Variants in GALNT13 observed in about 807,000 individuals in gnomAD.
GALNT13 encodes polypeptide N-acetylgalactosaminyltransferase 13, also known as UDP-GalNAc:polypeptide N-acetylgalactosaminyltransferase 13.
GALNT13 carries 28 observed loss-of-function variants against 64.2 expected under a neutral mutation model. The observed-to-expected ratio is 0.44, with a 90% CI of 0.32 to 0.60. The LOEUF is 0.60. Ranked by LOEUF, GALNT13 falls within the 20% of genes least tolerant of loss-of-function variation. GALNT13 has a pLI of 0.05. For synonymous variants in GALNT13, 214 were observed against 224.6 expected (o/e 0.95, Z 0.42); for missense variants, 577 against 669.8 (o/e 0.86, Z 1.53).
Position 153,898,132 on chromosome 2 carries a change from G to A in GALNT13, c.-176-2804G>A, listed in dbSNP as rs576689993. ...CCCCATATATCTCTGTATATAGTGG[G>A]AGCTTGAAAGATAGCTCTGTTAGAA... is the stretch of plus-strand genomic sequence containing the variant. On this transcript the variant is annotated intron_variant, in intron 1 of 12. Coordinates refer to ENST00000392825, the MANE Select transcript of GALNT13 (RefSeq NM_052917.4). 3.3e-5 allele frequency among the ~76,000 whole-genome samples: 5 copies of A among 152,146 alleles called. No homozygotes were observed. In the South Asian group the frequency reaches 1.0e-3, roughly 32 times the overall value.
At chr2:153,694,281 A>C in the GALNT13 span, among the ~76,000 whole-genome samples, 1 of 152,286 alleles carries the variant, frequency 6.6e-6, no homozygotes, top group African/African-American at 2.4e-5. Context: ...GGCCGTATGC[A>C]TAGGTGACTC....
chr2:153,664,748 T>G, the GALNT13 span, among the ~76,000 whole-genome samples: 1 of 152,204 alleles, frequency 6.6e-6, no homozygotes, highest in Non-Finnish European at 1.5e-5. Context: ...TATGTTCTTC[T>G]GCCACGGCTT....
chr2:153,784,859 T>A, the GALNT13 span, among the ~76,000 whole-genome samples: 1 of 152,166 alleles, frequency 6.6e-6, no homozygotes, highest in Non-Finnish European at 1.5e-5. Context: ...GCCACCATCT[T>A]TGCTGTTTAA....
At chr2:153,166,339 C>T in the GALNT13 span, among the ~76,000 whole-genome samples, 1 of 152,156 alleles carries the variant, frequency 6.6e-6, no homozygotes, top group African/African-American at 2.4e-5. Flanking sequence ...ATTCTATGGA[C>T]TAATTTCCTG....
intron 8 of GALNT13, among the ~76,000 whole-genome samples, chr2:154,261,126 A>G (rs1228241329): frequency 6.6e-6 from 1 of 152,146 alleles, no homozygotes; most frequent in Non-Finnish European, 1.5e-5. Context: ...ATAAATGTAT[A>G]AAAAGGAAGA....
the GALNT13 span, among the ~76,000 whole-genome samples, chr2:153,404,457 C>T: frequency 1.3e-5 from 2 of 151,980 alleles, no homozygotes; most frequent in South Asian, 2.1e-4. Flanking sequence ...GTTGTATTTC[C>T]TGTTCTTTGC....
intron 4 of GALNT13, among the ~76,000 whole-genome samples, chr2:154,208,764 T>C (rs894906599): frequency 7.2e-5 from 11 of 152,028 alleles, no homozygotes; most frequent in African/African-American, 2.7e-4. Context: ...AGTATCATAT[T>C]TTTATAATCA....
Position 153,944,544 on chromosome 2 carries a change from T to TG in GALNT13, c.48dup (p.Trp17ValfsTer5). 6.2e-7 allele frequency: 1 copy of TG among 1,613,250 alleles called. No individual in the cohort carries two copies. The highest frequency in any genetic ancestry group is 8.5e-7 in the Non-Finnish European group (1 of 1,179,286). ...AAGGTGGTTCTAGCCACTTCGCTGA[T>TG]GTGGGTTCTTGTTGATGTCTTCTTA... On this transcript the variant is annotated frameshift_variant, in exon 3 of 13. Coordinates refer to ENST00000392825, the MANE Select transcript of GALNT13 (RefSeq NM_052917.4). LOFTEE classifies it high-confidence loss of function.
chr2:153,195,812 G>A, the GALNT13 span, among the ~76,000 whole-genome samples: 1 of 152,212 alleles, frequency 6.6e-6, no homozygotes, highest in South Asian at 2.1e-4. Context: ...TGAAGGGTGA[G>A]CAAGACAAAG....
chr2:153,467,486 G>A, the GALNT13 span, among the ~76,000 whole-genome samples: 4 of 152,016 alleles, frequency 2.6e-5, no homozygotes, highest in Admixed American at 6.6e-5. Flanking sequence ...TGGCAGAGAG[G>A]AAAATGCTGT....
At chr2:154,028,805 CT>C (rs35159070) in intron 3 of GALNT13, among the ~76,000 whole-genome samples, 1 of 151,978 alleles carries the variant, frequency 6.6e-6, no homozygotes, top group Non-Finnish European at 1.5e-5. Context: ...CTTCCAAATC[CT>C]TTTTGAGGAT....
the GALNT13 span, among the ~76,000 whole-genome samples, chr2:153,539,512 G>T: frequency 2.6e-3 from 393 of 151,938 alleles, 3 homozygotes; most frequent in African/African-American, 9.0e-3. Flanking sequence ...CTTCTAGGGT[G>T]TTTATGGTTT....
chr2:153,503,220 T>C, the GALNT13 span, among the ~76,000 whole-genome samples: 2 of 152,188 alleles, frequency 1.3e-5, no homozygotes, highest in Non-Finnish European at 2.9e-5. Flanking sequence ...AGTTCTTATA[T>C]TGAAGTATTT....
chr2:153,094,933 C>T, the GALNT13 span, among the ~76,000 whole-genome samples: 1 of 152,106 alleles, frequency 6.6e-6, no homozygotes, highest in Non-Finnish European at 1.5e-5. Flanking sequence ...ACCATAAAAA[C>T]CCTAGAAGAG....
chr2:153,608,917 C>T, the GALNT13 span, among the ~76,000 whole-genome samples: 12 of 130,604 alleles, frequency 9.2e-5, no homozygotes, highest in African/African-American at 2.8e-4. Flanking sequence ...TTTTTTACTT[C>T]TTTTTTTTTT....
At chr2:154,067,957 G>C (rs1454364509) in intron 3 of GALNT13, among the ~76,000 whole-genome samples, 1 of 151,918 alleles carries the variant, frequency 6.6e-6, no homozygotes, top group South Asian at 2.1e-4. Context: ...TTTCCAAACT[G>C]TTCATCTGAC....
At chr2:153,966,059 A>G (rs534572514) in intron 3 of GALNT13, among the ~76,000 whole-genome samples, 1 of 151,946 alleles carries the variant, frequency 6.6e-6, no homozygotes, top group South Asian at 2.1e-4. Context: ...ATCATGTTGT[A>G]TTGCCCATTA....
chr2:153,619,659 T>A, the GALNT13 span, among the ~76,000 whole-genome samples: 1 of 152,126 alleles, frequency 6.6e-6, no homozygotes, highest in Non-Finnish European at 1.5e-5. Context: ...AGCTTTTGTT[T>A]GTCTGGGAAT....
chr2:153,464,246 G>C, the GALNT13 span, among the ~76,000 whole-genome samples: 9 of 152,050 alleles, frequency 5.9e-5, no homozygotes, highest in Non-Finnish European at 1.3e-4. Flanking sequence ...CTGAGCACCC[G>C]TTTTGTATGT....
Sources: allele counts gnomAD v4.1 joint callset (sites outside exome capture counted in the v4.1 genomes callset), GRCh38; gene constraint gnomAD v4.1.1; transcripts MANE v1.5; gene names NCBI Gene and HGNC (gene_info 2026-07-23, HGNC 2026-07-21).